Variants in USH2A observed in about 807,000 individuals in gnomAD.
USH2A encodes Usher syndrome 2A (autosomal recessive, mild).
A neutral mutation model predicts 538.9 loss-of-function variants in USH2A; 443 were observed. The observed-to-expected ratio is 0.82, with a 90% confidence interval of 0.76 to 0.89. The LOEUF (loss-of-function observed/expected upper bound fraction) is 0.89, where lower values mean the gene tolerates loss of function less well. Among genes scored for constraint, USH2A ranks in the 40% least tolerant of loss-of-function variants. USH2A has a pLI of 0.00. For synonymous variants in USH2A, 2,413 were observed against 2,273.5 expected (o/e 1.06, Z -1.75); for missense variants, 6,633 against 6,324.8 (o/e 1.05, Z -1.65).
In USH2A at chr1:216,036,912, T is replaced by C. The variant is rs921478199; in HGVS notation, c.6325+9519A>G. Among the ~76,000 whole-genome samples the C allele has an allele frequency of 5.3e-5, 8 of 152,046 alleles. 1 individual carries two copies. Among genetic ancestry groups the C allele is most frequent in the African/African-American group, 1.9e-4 (8 of 41,420 alleles). On this transcript the variant is annotated intron_variant, in intron 32 of 71. Transcript: ENST00000307340. ...AAAGACAGTGACAAAAGAGAACATA[T>C]AAGGGAACTACAAAAATTTCATGGA...
intron 35 of USH2A, among the ~76,000 whole-genome samples, chr1:215,983,300 C>T (rs1250738917): frequency 6.6e-6 from 1 of 152,036 alleles, no homozygotes; most frequent in African/African-American, 2.4e-5. Flanking sequence ...CTCAGAGCTA[C>T]TTCATCAAGA....
intron 40 of USH2A, among the ~76,000 whole-genome samples, chr1:215,899,504 A>C (rs1665436642): frequency 1.3e-5 from 2 of 152,206 alleles, no homozygotes; most frequent in Admixed American, 1.3e-4. Context: ...AATATATGCA[A>C]AAATAACTTT....
intron 34 of USH2A, among the ~76,000 whole-genome samples, chr1:215,997,973 A>G (rs930192545): frequency 1.3e-5 from 2 of 152,052 alleles, no homozygotes; most frequent in African/African-American, 2.4e-5. Flanking sequence ...ACAGTTAGCA[A>G]TAGTTGAGTG....
chr1:216,227,471 A>G (rs2102513135), intron 14 of USH2A, among the ~76,000 whole-genome samples: 1 of 152,304 alleles, frequency 6.6e-6, no homozygotes, highest in African/African-American at 2.4e-5. Flanking sequence ...GTAGGCAGTT[A>G]TGATATTACC....
At chr1:215,932,837 C>T (rs1666397844) in intron 38 of USH2A, among the ~76,000 whole-genome samples, 1 of 152,026 alleles carries the variant, frequency 6.6e-6, no homozygotes, top group Non-Finnish European at 1.5e-5. Flanking sequence ...AGTTTGACTG[C>T]ACCACTATAA....
intron 30 of USH2A, among the ~76,000 whole-genome samples, chr1:216,054,108 C>T (rs2030890670): frequency 6.6e-6 from 1 of 152,182 alleles, no homozygotes; most frequent in Non-Finnish European, 1.5e-5. Flanking sequence ...TATCCTCTAT[C>T]CCAGCAGCTA....
chr1:216,181,752 G>T (rs1017839879), intron 20 of USH2A, among the ~76,000 whole-genome samples: 11 of 152,026 alleles, frequency 7.2e-5, no homozygotes, highest in Non-Finnish European at 1.3e-4. Context: ...CTTTTATGGG[G>T]CTTATGCAAT....
At chr1:216,130,117 A>G (rs2033338613) in intron 21 of USH2A, among the ~76,000 whole-genome samples, 3 of 152,022 alleles carry the variant, frequency 2.0e-5, no homozygotes, top group Non-Finnish European at 4.4e-5. Flanking sequence ...AGAAGAAAAC[A>G]CTGGAGAAAC....
Position 216,163,999 on chromosome 1 carries a change from T to G in USH2A, c.4627+11253A>C, listed in dbSNP as rs1030813738. On this transcript the variant is annotated intron_variant, in intron 21 of 71. Coordinates refer to ENST00000307340, the MANE Select transcript of USH2A (RefSeq NM_206933.4). ...ATTTCTTTTCTCAGCAGGAGGATTT[T>G]TTGATATGCTTCATAGCTGGAGACA... Among the ~76,000 whole-genome samples, 12 of 152,126 alleles carry G rather than the reference T, an allele frequency of 7.9e-5. No homozygotes were observed. The highest frequency in any genetic ancestry group is 1.5e-4 in the Non-Finnish European group (10 of 68,006).
intron 13 of USH2A, among the ~76,000 whole-genome samples, chr1:216,243,446 T>G (rs997948388): frequency 6.6e-6 from 1 of 152,188 alleles, no homozygotes; most frequent in African/African-American, 2.4e-5. Context: ...TCTTTCTTAC[T>G]CCTTATAATA....
intron 32 of USH2A, among the ~76,000 whole-genome samples, chr1:216,022,340 C>T (rs1409538034): frequency 6.6e-6 from 1 of 152,126 alleles, no homozygotes; most frequent in African/African-American, 2.4e-5. Context: ...GAGGGAACAC[C>T]TCTGGGTGTG....
chr1:215,976,075 A>G (rs1275123481), intron 35 of USH2A, among the ~76,000 whole-genome samples: 2 of 152,126 alleles, frequency 1.3e-5, no homozygotes, highest in East Asian at 3.9e-4. Context: ...TTTTGTGGCT[A>G]TTGTAAATGA....
At chr1:215,671,344 TG>T in intron 63 of USH2A, 51 bp from the exon 64 acceptor site, 2 of 1,586,578 alleles carry the variant, frequency 1.3e-6, no homozygotes, top group Non-Finnish European at 1.7e-6. Flanking sequence ...TAGATTTTCA[TG>T]GGAAGAATCT....
At chr1:215,926,849 C>T (rs554581274) in intron 38 of USH2A, among the ~76,000 whole-genome samples, 1 of 152,086 alleles carries the variant, frequency 6.6e-6, no homozygotes, top group South Asian at 2.1e-4. Context: ...CTCAGGTGAT[C>T]CACCCTCCTT....
intron 7 of USH2A, 113 bp downstream of exon 7, chr1:216,324,055 C>T (rs2037674699): frequency 3.3e-6 from 4 of 1,199,882 alleles, no homozygotes; most frequent in African/African-American, 1.5e-5. Context: ...GAGAATCTGC[C>T]TCAAGGAAGT....
At chr1:216,126,740 C>T (rs894124100) in intron 21 of USH2A, among the ~76,000 whole-genome samples, 4 of 151,978 alleles carry the variant, frequency 2.6e-5, no homozygotes, top group Non-Finnish European at 5.9e-5. Flanking sequence ...TATATTTGAT[C>T]CATGATTGTT....
At chr1:215,985,674 AG>A (rs1388574803) in intron 35 of USH2A, among the ~76,000 whole-genome samples, 2 of 152,146 alleles carry the variant, frequency 1.3e-5, no homozygotes, top group Non-Finnish European at 2.9e-5. Context: ...ATGCATGCAT[AG>A]AATATTTAAT....
intron 4 of USH2A, among the ~76,000 whole-genome samples, chr1:216,346,510 C>G (rs1444656236): frequency 6.6e-6 from 1 of 152,012 alleles, no homozygotes; most frequent in Admixed American, 6.6e-5. Flanking sequence ...GTAGGAAATA[C>G]ACTTTTGAGA....
intron 32 of USH2A, among the ~76,000 whole-genome samples, chr1:216,027,721 C>T (rs890919274): frequency 2.0e-5 from 3 of 152,116 alleles, no homozygotes. Context: ...TATTGAAAAT[C>T]AGCAGACTAG....
Sources: gnomAD v4.1 joint callset for allele counts (sites outside exome capture counted in the v4.1 genomes callset) on GRCh38, gnomAD v4.1.1 for gene constraint, MANE v1.5 for transcripts, NCBI Gene and HGNC (gene_info 2026-07-23, HGNC 2026-07-21) for gene names.